Variants in PPP2R5C observed in about 807,000 individuals in gnomAD.
PPP2R5C encodes the protein serine/threonine-protein phosphatase 2A 56 kDa regulatory subunit gamma isoform.
In PPP2R5C, 7 loss-of-function variants were observed where a neutral mutation model predicts 68.9. That is an observed-to-expected ratio of 0.10 (90% CI 0.06 to 0.19). The LOEUF is 0.19. Ranked by LOEUF, PPP2R5C falls within the 10% of genes least tolerant of loss-of-function variation. PPP2R5C has a pLI of 1.00. For missense variants in PPP2R5C, 348 were observed against 641.3 expected (o/e 0.54, Z 4.94); for synonymous variants, 210 against 222.2 (o/e 0.95, Z 0.49).
chr14:101,903,966 G>A (rs771540606), intron 9 of PPP2R5C, among the ~76,000 whole-genome samples: 63 of 152,160 alleles, frequency 4.1e-4, no homozygotes, highest in Non-Finnish European at 4.3e-4. Context: ...AAGCCACCGC[G>A]CCAGCTCATT....
intron 8 of PPP2R5C, among the ~76,000 whole-genome samples, chr14:101,897,819 A>AAAT (rs1267001649): frequency 6.6e-6 from 1 of 151,956 alleles, no homozygotes; most frequent in Non-Finnish European, 1.5e-5. Context: ...AAAAAAAAAA[A>AAAT]AAAATTTATC....
At chr14:101,760,618 G>A, upstream of PPP2R5C, 1 of 814,354 alleles carries the variant, frequency 1.2e-6, no homozygotes, top group Non-Finnish European at 1.5e-6. Flanking sequence ...CGGGACTGTC[G>A]GGTAGGCGGG....
At chr14:101,761,704 C>A, upstream of PPP2R5C, 1 of 446,828 alleles carries the variant, frequency 2.2e-6, no homozygotes, top group Non-Finnish European at 2.9e-6. Context: ...GCCGCCGCCG[C>A]CGCCGCCGCC....
intron 3 of PPP2R5C, among the ~76,000 whole-genome samples, chr14:101,801,899 A>G (rs544426609): frequency 6.6e-6 from 1 of 152,350 alleles, no homozygotes; most frequent in Admixed American, 6.5e-5. Context: ...CTTGAAAAAG[A>G]ACACCAAAGT....
Position 101,877,160 on chromosome 14 carries a change from G to A in PPP2R5C, c.295-5001G>A, listed in dbSNP as rs1274917068. Among the ~76,000 whole-genome samples the A allele has an allele frequency of 6.6e-6, 1 of 151,926 alleles. No homozygotes were observed. Among genetic ancestry groups the A allele is most frequent in the African/African-American group, 2.4e-5 (1 of 41,326 alleles). On this transcript the variant is annotated intron_variant, in intron 2 of 13. Coordinates refer to ENST00000334743, the Ensembl canonical transcript of PPP2R5C. The surrounding 1 kb of genome is among the most constrained non-coding windows in gnomAD (Gnocchi z 4.2). ...GATGGGGTTTCACCATGTTGGCTAG[G>A]CTGCTCTTGAACTCTTGACCTCAAG...
intron 3 of PPP2R5C, among the ~76,000 whole-genome samples, chr14:101,788,905 A>T (rs1465685967): frequency 1.3e-5 from 2 of 152,074 alleles, no homozygotes; most frequent in African/African-American, 4.8e-5. Context: ...ATAAAATTTT[A>T]TGGTTTTCTT....
chr14:101,924,386 C>T lies in PPP2R5C; in HGVS notation c.1444-755C>T, dbSNP rs554376800. Among the ~76,000 whole-genome samples the T allele has an allele frequency of 7.5e-5, 11 of 147,584 alleles. No homozygotes were observed. In the South Asian group the frequency reaches 2.1e-3, roughly 29 times the overall value. On this transcript the variant is annotated intron_variant, in intron 13 of 13. Transcript: ENST00000334743. Reference sequence around the variant, plus strand: ...TTTCAATTTGATAGAAGTTTGAAATCCAATTTAAATATGTTTTTTATTCAT... The same window carrying T: ...TTTCAATTTGATAGAAGTTTGAAATTCAATTTAAATATGTTTTTTATTCAT...
chr14:101,792,883 C>CT (rs373883284), intron 3 of PPP2R5C, among the ~76,000 whole-genome samples: 2,495 of 129,154 alleles, frequency 0.019, 45 homozygotes, highest in African/African-American at 0.043. Context: ...TTTTTCTTTT[C>CT]TTTTTTTTTT....
exon 1 of PPP2R5C, chr14:101,809,935 A>T: frequency 6.2e-7 from 1 of 1,613,104 alleles, no homozygotes; most frequent in Non-Finnish European, 8.5e-7. Context: ...TTTCCCGCTG[A>T]AGTCTAGATG....
rs969384043 is a variant in PPP2R5C at position 101,891,567 on chromosome 14, A to C, written c.689+1271A>C. On this transcript the variant is annotated intron_variant, in intron 6 of 13. Transcript: ENST00000334743. This position sits in a 1 kb window ranked among gnomAD's most constrained non-coding sequence, Gnocchi z 4.9. ...TGCAGGGACCGGAGCGCTGTATGACATGTGTTCCACAGCCCGCCATGCCGT... is the reference window on the plus strand; with the variant it reads ...TGCAGGGACCGGAGCGCTGTATGACCTGTGTTCCACAGCCCGCCATGCCGT... Among the ~76,000 whole-genome samples, 9 of 151,926 alleles carry C rather than the reference A, an allele frequency of 5.9e-5. No individual in the cohort carries two copies. The highest frequency in any genetic ancestry group is 1.3e-4 in the Non-Finnish European group (9 of 67,978).
intron 3 of PPP2R5C, among the ~76,000 whole-genome samples, chr14:101,795,783 C>T (rs558277847): frequency 6.6e-6 from 1 of 152,288 alleles, no homozygotes; most frequent in African/African-American, 2.4e-5. Context: ...ATCTCTTGCT[C>T]TCCTCTCATG....
chr14:101,882,145 A>C lies in PPP2R5C; in HGVS notation c.295-16A>C, dbSNP rs1012292938. ...TTAAATGCCCTGATTGTAATTATAG[A>C]ATATGTGGATTTTAGTTTGCAGTTA... On this transcript the variant is annotated splice_polypyrimidine_tract_variant and intron_variant, in intron 2 of 13. Transcript: ENST00000334743. The surrounding 1 kb of genome is among the most constrained non-coding windows in gnomAD (Gnocchi z 4.9). 1 of 1,552,264 alleles carries C rather than the reference A, an allele frequency of 6.4e-7. No individual in the cohort carries two copies. The highest frequency in any genetic ancestry group is 8.8e-7 in the Non-Finnish European group (1 of 1,135,774).
rs2038644312 is a variant in PPP2R5C at position 101,797,019 on chromosome 14, C to G, written c.259+10836C>G. ...TAGATACATTCAAAATGCTGTACACCCATCACTACTATCTCTACCCAAAAC... is the reference window on the plus strand; with the variant it reads ...TAGATACATTCAAAATGCTGTACACGCATCACTACTATCTCTACCCAAAAC... On this transcript the variant is annotated intron_variant, in intron 3 of 14. Coordinates refer to the PPP2R5C transcript ENST00000328724. The surrounding 1 kb of genome is among the most constrained non-coding windows in gnomAD (Gnocchi z 4.2). The G allele has an allele frequency of 2.5e-6, 1 of 396,898 alleles. No individual in the cohort carries two copies. Among genetic ancestry groups the G allele is most frequent in the African/African-American group, 2.1e-5 (1 of 48,552 alleles). The allele number at this position is 396,898 out of a possible 1,614,324, so 24.6% of individuals were successfully genotyped here. A position where few individuals can be genotyped will look rare whatever the true frequency, so the allele number is the denominator to read the frequency against.
At chr14:101,767,034 AT>A (rs756207529) in intron 2 of PPP2R5C, 1 of 152,172 alleles carries the variant, frequency 6.6e-6, no homozygotes, top group East Asian at 1.9e-4. Context: ...TCGTTTGAGT[AT>A]TGTCATGTAT....
Position 101,813,759 on chromosome 14 carries a change from G to A in PPP2R5C, c.94+3723G>A, listed in dbSNP as rs1595233117. Among the ~76,000 whole-genome samples, 3 of 152,378 alleles carry A rather than the reference G, an allele frequency of 2.0e-5. No individual in the cohort carries two copies. The South Asian group carries it at 6.2e-4, about 32-fold the overall frequency. ...TCATTAGCAAACTTATCCAGTGGAT[G>A]AGTCTGTCCTTGAAAGACTCAGGAG... On this transcript the variant is annotated intron_variant, in intron 1 of 13. Transcript: ENST00000334743.
chr14:101,859,473 T>G (rs1041656423), intron 2 of PPP2R5C, among the ~76,000 whole-genome samples: 3 of 152,136 alleles, frequency 2.0e-5, no homozygotes, highest in African/African-American at 7.2e-5. Flanking sequence ...TCCTTTCTGC[T>G]CTAAGTTCAG....
chr14:101,881,767 T>C (rs997273079), intron 2 of PPP2R5C, among the ~76,000 whole-genome samples: 1 of 152,240 alleles, frequency 6.6e-6, no homozygotes, highest in Non-Finnish European at 1.5e-5. Context: ...CAGCTGTGAA[T>C]CTCTGCTGCG....
At chr14:101,855,129 C>T (rs1566909821) in intron 1 of PPP2R5C, among the ~76,000 whole-genome samples, 1 of 152,184 alleles carries the variant, frequency 6.6e-6, no homozygotes, top group Non-Finnish European at 1.5e-5. Flanking sequence ...AAGATCACAC[C>T]AGTGCATTCC....
At chr14:101,892,181 T>A (rs746393215) in intron 6 of PPP2R5C, among the ~76,000 whole-genome samples, 2 of 152,172 alleles carry the variant, frequency 1.3e-5, no homozygotes, top group Non-Finnish European at 2.9e-5. Flanking sequence ...GGTCTTGAAT[T>A]CCTGACCTCA....
Sources: allele counts gnomAD v4.1 joint callset (sites outside exome capture counted in the v4.1 genomes callset), GRCh38; gene constraint gnomAD v4.1.1; non-coding constraint Gnocchi (gnomAD v3.1); transcripts MANE v1.5; gene names NCBI Gene and HGNC (gene_info 2026-07-23, HGNC 2026-07-21).